Variants in RBFOX1 observed in about 807,000 individuals in gnomAD.
RBFOX1 encodes the protein RNA binding fox-1 homolog 1, also known as RNA binding protein fox-1 homolog 1.
A neutral mutation model predicts 57.7 loss-of-function variants in RBFOX1; 8 were observed. That is an observed-to-expected ratio of 0.14 (90% confidence interval 0.08 to 0.25). The LOEUF is 0.25. Among genes scored for constraint, RBFOX1 ranks in the 10% least tolerant of loss-of-function variants. The pLI is 1.00. For missense variants in RBFOX1, 611 were observed against 548.5 expected, an observed-to-expected ratio of 1.11 and a Z score of -1.14; for synonymous variants, 326 against 222.4, an observed-to-expected ratio of 1.47 and a Z score of -4.15.
At chr16:6,866,190 C>G (rs935510532) in intron 3 of RBFOX1, among the ~76,000 whole-genome samples, 2 of 152,066 alleles carry the variant, frequency 1.3e-5, no homozygotes, top group African/African-American at 4.8e-5. Flanking sequence ...CACCTTATCT[C>G]TGGTAGTTCT....
chr16:5,619,149 G>T (rs1230049859), intron 3 of RBFOX1, among the ~76,000 whole-genome samples: 1 of 152,172 alleles, frequency 6.6e-6, no homozygotes, highest in Admixed American at 6.5e-5. Context: ...CGTGCAAAGG[G>T]GTTACCTGTG....
intron 3 of RBFOX1, among the ~76,000 whole-genome samples, chr16:6,960,048 A>G (rs111585958): frequency 0.011 from 1,731 of 152,270 alleles, 33 homozygotes; most frequent in African/African-American, 0.039. Context: ...GCCTTGAAAC[A>G]TGACAAGATA....
rs139078858 is a variant in RBFOX1, at chr16:7,195,853, C to T, written c.27+143755C>T. ...CAGGCATGAACCACTGTGCCCAGCT[C>T]GATGCTCATAATTTTAGAAAGGTGC... On this transcript the variant is annotated intron_variant, in intron 4 of 15. Coordinates refer to ENST00000550418, the MANE Select transcript of RBFOX1 (RefSeq NM_018723.4). Among the ~76,000 whole-genome samples the T allele has an allele frequency of 1.8e-4, 28 of 152,112 alleles. No homozygotes were observed. The East Asian group carries it at 4.1e-3, about 22-fold the overall frequency.
rs537041079 is a variant in RBFOX1 at position 5,843,258 on chromosome 16, A to G, written c.319-24045A>G. ...GCCAAGGTACTAAGCCTCGGACCCA[A>G]TAGTTATTTATTCTGATCCTCTAAC... On this transcript the variant is annotated intron_variant, in intron 3 of 19. Coordinates refer to the RBFOX1 transcript ENST00000641259. 7.9e-4 allele frequency among the ~76,000 whole-genome samples: 120 copies of G among 152,310 alleles called. 1 individual carries two copies. Among genetic ancestry groups the G allele is most frequent in the African/African-American group, 2.7e-3 (114 of 41,570 alleles).
At chr16:7,389,048 A>G (rs1361834804) in intron 4 of RBFOX1, among the ~76,000 whole-genome samples, 2 of 152,322 alleles carry the variant, frequency 1.3e-5, no homozygotes, top group African/African-American at 4.8e-5. Context: ...AATTGGGGGT[A>G]TGGCCATATG....
intron 2 of RBFOX1, among the ~76,000 whole-genome samples, chr16:6,444,535 G>C (rs1445411038): frequency 6.6e-6 from 1 of 152,108 alleles, no homozygotes; most frequent in Non-Finnish European, 1.5e-5. Context: ...CTCTCTCTTT[G>C]CCTGCTGCCA....
intron 3 of RBFOX1, among the ~76,000 whole-genome samples, chr16:5,700,977 A>G (rs1261728045): frequency 6.6e-6 from 1 of 152,200 alleles, no homozygotes; most frequent in Non-Finnish European, 1.5e-5. Flanking sequence ...ACTACTTCCA[A>G]AAGGTAGAAT....
chr16:6,570,512 CACAT>C (rs2097330583), intron 2 of RBFOX1, among the ~76,000 whole-genome samples: 1 of 152,102 alleles, frequency 6.6e-6, no homozygotes, highest in Non-Finnish European at 1.5e-5. Context: ...TATATATACA[CACAT>C]ACATACACAT....
chr16:6,108,834 G>A (rs1336768407), intron 1 of RBFOX1, among the ~76,000 whole-genome samples: 2 of 151,878 alleles, frequency 1.3e-5, no homozygotes, highest in African/African-American at 4.8e-5. Flanking sequence ...TTCCTCTTCT[G>A]TACACGTCTG....
intron 1 of RBFOX1, among the ~76,000 whole-genome samples, chr16:6,055,526 T>C (rs148447093): frequency 1.8e-4 from 26 of 147,618 alleles, no homozygotes; most frequent in South Asian, 6.4e-4. Context: ...CCAGGAGGCA[T>C]TGGTTGCAGT....
At chr16:5,687,640 A>T (rs150813186) in intron 3 of RBFOX1, among the ~76,000 whole-genome samples, 1 of 152,192 alleles carries the variant, frequency 6.6e-6, no homozygotes, top group East Asian at 1.9e-4. Context: ...CCATGAAACC[A>T]GTATGCTCCT....
At chr16:6,693,833 C>T (rs2060626951) in intron 3 of RBFOX1, among the ~76,000 whole-genome samples, 1 of 152,212 alleles carries the variant, frequency 6.6e-6, no homozygotes. Context: ...ACTACCATCA[C>T]CACCATCATC....
chr16:6,538,642 G>A (rs2096768166), intron 2 of RBFOX1, among the ~76,000 whole-genome samples: 1 of 152,184 alleles, frequency 6.6e-6, no homozygotes, highest in South Asian at 2.1e-4. Context: ...ATTGCTGGTT[G>A]GATTGCAGAA....
intron 5 of RBFOX1, among the ~76,000 whole-genome samples, chr16:7,529,628 T>G (rs1489057140): frequency 6.6e-6 from 1 of 152,192 alleles, no homozygotes; most frequent in African/African-American, 2.4e-5. Flanking sequence ...GGTTCTCCTG[T>G]TCACTACTAT....
intron 4 of RBFOX1, among the ~76,000 whole-genome samples, chr16:7,219,167 T>C (rs1324385063): frequency 1.3e-5 from 2 of 152,204 alleles, no homozygotes; most frequent in Non-Finnish European, 2.9e-5. Context: ...TTCACCCCCA[T>C]GAAAATGGAA....
In RBFOX1 at chr16:5,938,940, G is replaced by C. The variant is rs1470398976; in HGVS notation, c.351+71605G>C. On this transcript the variant is annotated intron_variant, in intron 4 of 19. Coordinates refer to the RBFOX1 transcript ENST00000641259. ...AAAAAAGGATGAGTTTATGTCCTTT[G>C]TAGGGACATGGATGAAGCTGGCAAC... is the stretch of plus-strand genomic sequence containing the variant. 7.9e-5 allele frequency among the ~76,000 whole-genome samples: 12 copies of C among 152,174 alleles called. 1 individual carries two copies. Among genetic ancestry groups the C allele is most frequent in the African/African-American group, 2.4e-5 (1 of 41,446 alleles).
chr16:6,991,291 C>A (rs1017591876), intron 3 of RBFOX1, among the ~76,000 whole-genome samples: 1 of 152,004 alleles, frequency 6.6e-6, no homozygotes, highest in Non-Finnish European at 1.5e-5. Flanking sequence ...TAGAGTGAGA[C>A]CTTGTCTCAA....
At chr16:7,024,853 G>A (rs531835272) in intron 3 of RBFOX1, among the ~76,000 whole-genome samples, 18 of 152,294 alleles carry the variant, frequency 1.2e-4, no homozygotes, top group African/African-American at 4.3e-4. Context: ...TGGGTGTCAC[G>A]TGGCTCACAG....
chr16:7,176,848 G>C (rs2081763177), intron 4 of RBFOX1, among the ~76,000 whole-genome samples: 1 of 152,136 alleles, frequency 6.6e-6, no homozygotes, highest in African/African-American at 2.4e-5. Context: ...AAAAAATACA[G>C]AAATGTAAGA....
Sources: gnomAD v4.1 joint callset for allele counts (sites outside exome capture counted in the v4.1 genomes callset) on GRCh38, gnomAD v4.1.1 for gene constraint, MANE v1.5 for transcripts, NCBI Gene and HGNC (gene_info 2026-07-23, HGNC 2026-07-21) for gene names.